The following SNX7 variants were observed in gnomAD, a reference collection of about 807,000 sequenced individuals.
The protein encoded by SNX7 is sorting nexin-7.
In SNX7, 35 loss-of-function variants were observed where a neutral mutation model predicts 48.4. The ratio of observed to expected loss-of-function variants is 0.72; its 90% CI spans 0.55 to 0.96. The LOEUF is 0.96. SNX7 is among the 40% of genes least tolerant of loss of function. The pLI, the probability that SNX7 is intolerant of heterozygous loss-of-function variation, is 0.00. For synonymous variants in SNX7, 190 were observed against 190.2 expected, an observed-to-expected ratio of 1.00 and a Z score of 0.01; for missense variants, 553 against 548.9, an observed-to-expected ratio of 1.01 and a Z score of -0.07.
chr1:98,700,883 G>T (rs1456162327), intron 6 of SNX7, among the ~76,000 whole-genome samples: 1 of 151,968 alleles, frequency 6.6e-6, no homozygotes, highest in Admixed American at 6.6e-5. Flanking sequence ...ACACCAGAAG[G>T]CCCTTCTCTT....
intron 1 of SNX7, 144 bp downstream of exon 1, chr1:98,662,055 T>C: frequency 1.1e-6 from 1 of 935,846 alleles, no homozygotes; most frequent in South Asian, 5.6e-5. Context: ...CCCGGGCTGC[T>C]GGACCCCGCC....
intron 1 of SNX7, among the ~76,000 whole-genome samples, chr1:98,675,052 A>C (rs928960305): frequency 2.0e-5 from 3 of 152,182 alleles, no homozygotes; most frequent in Non-Finnish European, 4.4e-5. Context: ...ACCCTAAGAT[A>C]ATGGTCTTAT....
intron 8 of SNX7, among the ~76,000 whole-genome samples, chr1:98,751,512 T>C (rs11166105): frequency 0.013 from 1,939 of 152,174 alleles, 52 homozygotes; most frequent in African/African-American, 0.044. Context: ...TCTCTTTCTC[T>C]GAGTTCTCTC....
intron 1 of SNX7, among the ~76,000 whole-genome samples, chr1:98,668,676 T>G (rs1177795878): frequency 6.6e-6 from 1 of 152,196 alleles, no homozygotes; most frequent in Non-Finnish European, 1.5e-5. Context: ...AAAAAGTGAT[T>G]TAGCTTGGAA....
chr1:98,731,159 T>TTC, intron 7 of SNX7, among the ~76,000 whole-genome samples: 1 of 151,902 alleles, frequency 6.6e-6, no homozygotes, highest in African/African-American at 2.4e-5. Flanking sequence ...GCCTTTTTTT[T>TTC]TTTTTAGAAT....
intron 7 of SNX7, among the ~76,000 whole-genome samples, chr1:98,727,147 G>A (rs1055038106): frequency 3.9e-5 from 6 of 152,314 alleles, no homozygotes; most frequent in South Asian, 2.1e-4. Flanking sequence ...GACGTGGAGT[G>A]TGCAGCAAGC....
At chr1:98,725,526 T>A (rs907993624) in intron 7 of SNX7, among the ~76,000 whole-genome samples, 1 of 152,186 alleles carries the variant, frequency 6.6e-6, no homozygotes, top group Non-Finnish European at 1.5e-5. Flanking sequence ...GTTGAGTTAA[T>A]ATACTTTAAA....
chr1:98,717,488 A>G (rs1411711957), intron 7 of SNX7, among the ~76,000 whole-genome samples: 4 of 152,188 alleles, frequency 2.6e-5, no homozygotes, highest in Admixed American at 2.0e-4. Flanking sequence ...TACATAGCCT[A>G]CTACTGCTTT....
At chr1:98,717,433 A>T (rs1189380853) in intron 7 of SNX7, among the ~76,000 whole-genome samples, 1 of 152,146 alleles carries the variant, frequency 6.6e-6, no homozygotes, top group East Asian at 1.9e-4. Context: ...TTGTGCTATT[A>T]ACTATATTTC....
intron 1 of SNX7, among the ~76,000 whole-genome samples, chr1:98,678,562 G>C (rs111750800): frequency 0.011 from 1,676 of 152,234 alleles, 20 homozygotes; most frequent in Middle Eastern, 0.041. Flanking sequence ...TCCAGAGCTT[G>C]GGCAGGGAAA....
intron 8 of SNX7, among the ~76,000 whole-genome samples, chr1:98,739,933 A>T (rs1653988330): frequency 6.6e-6 from 1 of 152,188 alleles, no homozygotes; most frequent in African/African-American, 2.4e-5. Flanking sequence ...TTTTGGAAAG[A>T]TTGCTCTGAC....
intron 8 of SNX7, among the ~76,000 whole-genome samples, chr1:98,759,741 C>T (rs899680839): frequency 1.3e-5 from 2 of 152,078 alleles, no homozygotes; most frequent in African/African-American, 4.8e-5. Flanking sequence ...TCCTCCTCAG[C>T]TCCAGCTGGG....
intron 8 of SNX7, among the ~76,000 whole-genome samples, chr1:98,752,454 C>T (rs1286457699): frequency 2.6e-5 from 4 of 151,876 alleles, no homozygotes; most frequent in Non-Finnish European, 4.4e-5. Context: ...GATCTGGTAG[C>T]GTCAGGAGCT....
rs566331827 is a variant in SNX7, at chr1:98,685,662, G to A, written c.363+595G>A. Among the ~76,000 whole-genome samples the A allele has an allele frequency of 2.4e-3, 361 of 152,132 alleles. 1 individual carries two copies. Among genetic ancestry groups the A allele is most frequent in the Middle Eastern group, 0.01 (3 of 294 alleles). On this transcript the variant is annotated intron_variant, in intron 2 of 8. Coordinates refer to ENST00000306121, the MANE Select transcript of SNX7 (RefSeq NM_015976.5). The stretch of plus-strand genomic sequence containing the variant: ...TGTATTTTAAGTCCTTTATTTAATA[G>A]CATTTGAAAATAATTCTCTTTATAA...
chr1:98,688,923 G>A (rs190409115), intron 2 of SNX7, among the ~76,000 whole-genome samples: 82 of 149,948 alleles, frequency 5.5e-4, no homozygotes, highest in African/African-American at 2.0e-3. Context: ...TTCTTTTTTC[G>A]AGACAGAGTC....
intron 4 of SNX7, among the ~76,000 whole-genome samples, chr1:98,691,937 A>ACACTCTCTCTCTCTCT (rs376006567): frequency 5.3e-5 from 7 of 131,168 alleles, no homozygotes; most frequent in Admixed American, 1.6e-4. Context: ...ACACACACAC[A>ACACTCTCTCTCTCTCT]CTCTCTCTCT....
At chr1:98,739,909 G>A (rs1351315873) in intron 8 of SNX7, among the ~76,000 whole-genome samples, 2 of 152,132 alleles carry the variant, frequency 1.3e-5, no homozygotes, top group Non-Finnish European at 2.9e-5. Flanking sequence ...GAAACTGACC[G>A]GATCAGACTT....
chr1:98,675,157 C>T (rs1046996791), intron 1 of SNX7, among the ~76,000 whole-genome samples: 2 of 152,150 alleles, frequency 1.3e-5, no homozygotes, highest in Non-Finnish European at 2.9e-5. Context: ...TCTCCTGAAA[C>T]GCATCAACCG....
intron 8 of SNX7, among the ~76,000 whole-genome samples, chr1:98,749,529 A>G (rs777706641): frequency 1.8e-4 from 27 of 152,120 alleles, no homozygotes; most frequent in Non-Finnish European, 3.5e-4. Flanking sequence ...ATAAGTTGGC[A>G]GATGATTCTC....
Sources: gnomAD v4.1 joint callset for allele counts (sites outside exome capture counted in the v4.1 genomes callset) on GRCh38, gnomAD v4.1.1 for gene constraint, MANE v1.5 for transcripts, NCBI Gene and HGNC (gene_info 2026-07-23, HGNC 2026-07-21) for gene names.